The following TASOR variants were observed in gnomAD, a reference collection of about 807,000 sequenced individuals.
The protein encoded by TASOR is transcription activation suppressor.
Under a neutral mutation model 178.6 loss-of-function variants are expected in TASOR, and 53 were observed. That is an observed-to-expected ratio of 0.30 (90% confidence interval 0.24 to 0.37). TASOR has a LOEUF of 0.37. Ranked by LOEUF, TASOR falls within the 10% of genes least tolerant of loss-of-function variation. TASOR has a pLI of 1.00. For synonymous variants in TASOR, 713 were observed against 696.2 expected, an observed-to-expected ratio of 1.02 and a Z score of -0.38; for missense variants, 1,815 against 1,971.4, an observed-to-expected ratio of 0.92 and a Z score of 1.50.
intron 1 of TASOR, among the ~76,000 whole-genome samples, chr3:56,679,702 C>A (rs1667645333): frequency 6.6e-6 from 1 of 152,180 alleles, no homozygotes; most frequent in Admixed American, 6.5e-5. Flanking sequence ...ATCATCGCTA[C>A]TCCATTTCCC....
Position 56,666,361 on chromosome 3 carries a change from A to G in TASOR, c.921T>C (p.Phe307=). The G allele has an allele frequency of 1.3e-6, 2 of 1,526,336 alleles. No homozygotes were observed. Among genetic ancestry groups the G allele is most frequent in the Non-Finnish European group, 1.8e-6 (2 of 1,137,410 alleles). The allele number at this position is 1,526,336 out of a possible 1,614,324, so 94.5% of individuals were successfully genotyped here. ...LTQYYFYEYG[F]DELRRRPRHV... ...GTCTTGGTCTTCGCCTTAGCTCATC[A>G]AAGCCATACTCATAAAAATAATACT... Residue 307 remains phenylalanine, a synonymous_variant, in exon 7 of 24, where the codon TTT becomes TTC. Coordinates refer to ENST00000683822, the MANE Select transcript of TASOR (RefSeq NM_001365635.2).
chr3:56,661,045 G>A (rs1451621999), intron 9 of TASOR, 28 bp from the exon 10 acceptor site: 1 of 1,469,354 alleles, frequency 6.8e-7, no homozygotes, highest in East Asian at 2.3e-5. Context: ...AAACATGTTT[G>A]CCTTATCTGT....
chr3:56,637,575 T>C (rs925565202), intron 17 of TASOR, among the ~76,000 whole-genome samples: 6 of 127,988 alleles, frequency 4.7e-5, no homozygotes, highest in African/African-American at 2.0e-4. Flanking sequence ...ATATCTGTTG[T>C]TCATGGTTTC....
chr3:56,628,688 G>A, intron 18 of TASOR, 74 bp from the exon 19 acceptor site: 2 of 978,770 alleles, frequency 2.0e-6, no homozygotes, highest in Non-Finnish European at 3.0e-6. Context: ...AGAAATGCAA[G>A]ATAAACTGAT....
chr3:56,637,559 T>C (rs1289206245), intron 17 of TASOR, among the ~76,000 whole-genome samples: 1 of 149,088 alleles, frequency 6.7e-6, no homozygotes, highest in Non-Finnish European at 1.5e-5. Flanking sequence ...CTTTCCTCTA[T>C]GTTATATATC....
chr3:56,657,887 G>T (rs2077506337), intron 11 of TASOR, among the ~76,000 whole-genome samples: 1 of 152,202 alleles, frequency 6.6e-6, no homozygotes, highest in Non-Finnish European at 1.5e-5. Context: ...CAAATAGAAA[G>T]TATTTGTCCC....
chr3:56,673,485 T>C, intron 2 of TASOR, 95 bp downstream of exon 2: 1 of 1,028,850 alleles, frequency 9.7e-7, no homozygotes, highest in Non-Finnish European at 1.3e-6. Flanking sequence ...AATTTGGTTT[T>C]CCTAAAAATT....
At chr3:56,657,994 A>G (rs777441473) in intron 11 of TASOR, among the ~76,000 whole-genome samples, 1 of 152,230 alleles carries the variant, frequency 6.6e-6, no homozygotes, top group African/African-American at 2.4e-5. Flanking sequence ...GGGCCAATAC[A>G]TTTTTACTTA....
chr3:56,627,854 T>G (rs778828648), intron 19 of TASOR, 113 bp from the exon 20 acceptor site: 1 of 865,848 alleles, frequency 1.2e-6, no homozygotes, highest in Non-Finnish European at 1.8e-6. Context: ...TCATCTATAT[T>G]AGTGGATTAC....
chr3:56,678,305 C>A (rs1429237564), intron 1 of TASOR, among the ~76,000 whole-genome samples: 2 of 151,504 alleles, frequency 1.3e-5, no homozygotes, highest in African/African-American at 4.9e-5. Context: ...CCTCAGCCTC[C>A]CGAGCAGCTG....
chr3:56,673,108 G>A (rs2107633751), intron 2 of TASOR, among the ~76,000 whole-genome samples: 1 of 152,336 alleles, frequency 6.6e-6, no homozygotes, highest in East Asian at 1.9e-4. Flanking sequence ...ACCATGCTCA[G>A]CTGAATTTAC....
At chr3:56,638,331 A>T (rs1293113137) in intron 17 of TASOR, among the ~76,000 whole-genome samples, 1 of 152,132 alleles carries the variant, frequency 6.6e-6, no homozygotes, top group Non-Finnish European at 1.5e-5. Flanking sequence ...ACGCCACTGC[A>T]CTCCAGCCTG....
Position 56,669,704 on chromosome 3 carries a change from A to G in TASOR, c.731T>C (p.Met244Thr). The part of the protein sequence containing the change: ...AMGDVVIFKI[M>T]KGKIKSIYDP... ...AAGTGTGTAAGTTTAAATTACCTTC[A>G]TTATTTTAAAAATAACAACATCACC... is the stretch of plus-strand genomic sequence containing the variant. Residue 244 changes from methionine to threonine, a missense_variant, in exon 5 of 24, where the codon ATG (methionine) becomes ACG (threonine). Met to Thr is a moderately conservative substitution (Grantham distance 81). Transcript: ENST00000683822. 1 of 1,532,164 alleles carries G rather than the reference A, an allele frequency of 6.5e-7. No homozygotes were observed. The highest frequency in any genetic ancestry group is 8.8e-7 in the Non-Finnish European group (1 of 1,134,904). The allele number at this position is 1,532,164 out of a possible 1,614,324, so 94.9% of individuals were successfully genotyped here. A position where few individuals can be genotyped will look rare whatever the true frequency, so the allele number is the denominator to read the frequency against.
intron 1 of TASOR, among the ~76,000 whole-genome samples, chr3:56,677,001 T>C (rs1403238131): frequency 2.6e-5 from 4 of 152,258 alleles, no homozygotes; most frequent in African/African-American, 9.6e-5. Context: ...TTCTCATTTT[T>C]TCTGGTGATA....
intron 17 of TASOR, among the ~76,000 whole-genome samples, chr3:56,636,108 A>G (rs1047711075): frequency 6.6e-6 from 1 of 152,002 alleles, no homozygotes; most frequent in African/African-American, 2.4e-5. Context: ...GTTCGAGACC[A>G]GCCTGGCCAA....
At chr3:56,635,656 T>G (rs568019635) in intron 17 of TASOR, among the ~76,000 whole-genome samples, 6 of 152,174 alleles carry the variant, frequency 3.9e-5, no homozygotes, top group African/African-American at 7.2e-5. Context: ...TCTGAATTAT[T>G]TATTAGACAT....
intron 6 of TASOR, 120 bp from the exon 7 acceptor site, chr3:56,666,504 T>G: frequency 1.5e-6 from 1 of 658,188 alleles, no homozygotes; most frequent in Non-Finnish European, 2.3e-6. Flanking sequence ...AAAATGTCTT[T>G]AAGCTCTGCG....
chr3:56,665,281 G>A (rs1044851087), intron 7 of TASOR, among the ~76,000 whole-genome samples: 1 of 152,150 alleles, frequency 6.6e-6, no homozygotes, highest in African/African-American at 2.4e-5. Context: ...ATTGGTTTGT[G>A]GTGAGGCATG....
At chr3:56,638,473 T>C (rs1345150961) in intron 17 of TASOR, among the ~76,000 whole-genome samples, 1 of 152,178 alleles carries the variant, frequency 6.6e-6, no homozygotes, top group Non-Finnish European at 1.5e-5. Context: ...TAGACTCTAC[T>C]ATGGGTGAAG....
Sources: gnomAD v4.1 joint callset for allele counts (sites outside exome capture counted in the v4.1 genomes callset) on GRCh38, gnomAD v4.1.1 for gene constraint, MANE v1.5 for transcripts, NCBI Gene and HGNC (gene_info 2026-07-23, HGNC 2026-07-21) for gene names.